Variants in GRIA4 observed in about 807,000 individuals in gnomAD.
GRIA4 encodes the protein glutamate receptor 4.
Under a neutral mutation model 104.0 loss-of-function variants are expected in GRIA4, and 34 were observed. The ratio of observed to expected loss-of-function variants is 0.33; its 90% CI spans 0.25 to 0.44. The LOEUF (loss-of-function observed/expected upper bound fraction) is 0.44. Ranked by LOEUF, GRIA4 falls within the 20% of genes least tolerant of loss-of-function variation. The probability of loss-of-function intolerance (pLI) is 1.00; values close to 1 mark genes in which losing one functional copy is unlikely to be tolerated. For synonymous variants in GRIA4, 386 were observed against 381.9 expected (o/e 1.01, Z -0.13); for missense variants, 750 against 1,096.5 (o/e 0.68, Z 4.46).
chr11:105,914,635 AG>A (rs1322974543), intron 10 of GRIA4, among the ~76,000 whole-genome samples: 1 of 152,214 alleles, frequency 6.6e-6, no homozygotes, highest in African/African-American at 2.4e-5. Flanking sequence ...GAGCAGATGT[AG>A]AACCCCATTC....
intron 4 of GRIA4, among the ~76,000 whole-genome samples, chr11:105,847,371 C>G (rs553560890): frequency 2.6e-5 from 4 of 152,156 alleles, no homozygotes; most frequent in African/African-American, 9.6e-5. Context: ...GGCCAGGGAC[C>G]GGTAGGGGTC....
chr11:105,954,558 A>G (rs1231895970), intron 14 of GRIA4, among the ~76,000 whole-genome samples: 1 of 152,114 alleles, frequency 6.6e-6, no homozygotes, highest in Non-Finnish European at 1.5e-5. Flanking sequence ...ATGTATATGT[A>G]TACTTATATA....
At chr11:105,719,578 G>A (rs1176638726) in intron 3 of GRIA4, among the ~76,000 whole-genome samples, 1 of 152,126 alleles carries the variant, frequency 6.6e-6, no homozygotes, top group South Asian at 2.1e-4. Flanking sequence ...ACTCAAAGCA[G>A]AGCTTGGTTT....
chr11:105,902,583 C>T (rs543823002), intron 7 of GRIA4, among the ~76,000 whole-genome samples: 18 of 152,266 alleles, frequency 1.2e-4, no homozygotes, highest in African/African-American at 4.3e-4. Context: ...GATCCACCCA[C>T]CTCAACTTCC....
chr11:105,931,034 A>C (rs1947858760), intron 13 of GRIA4, among the ~76,000 whole-genome samples: 1 of 152,116 alleles, frequency 6.6e-6, no homozygotes, highest in South Asian at 2.1e-4. Flanking sequence ...TATCAAGTGA[A>C]TCAGAGAGGC....
At position 105,688,116 on chromosome 11, in the gene GRIA4, A is replaced by C. The variant is rs112200457; in HGVS notation, c.248-64865A>C. On this transcript the variant is annotated intron_variant, in intron 3 of 16. Transcript: ENST00000282499. ...CTCTCTCTGTCTCATATCTATATCT[A>C]TATCTATATCTATATCTATATCTAT... Among the ~76,000 whole-genome samples, 600 of 68,596 alleles carry C rather than the reference A, an allele frequency of 8.7e-3. 5 individuals carry two copies. Among genetic ancestry groups the C allele is most frequent in the African/African-American group, 0.025 (566 of 22,720 alleles). 45.0% of individuals were successfully genotyped at this position (68,596 alleles called of 152,430 possible).
chr11:105,850,843 G>A (rs892210099), intron 4 of GRIA4, among the ~76,000 whole-genome samples: 14 of 152,120 alleles, frequency 9.2e-5, no homozygotes, highest in South Asian at 2.1e-4. Flanking sequence ...GCAGTGCTTC[G>A]TGGTCAGGGA....
intron 4 of GRIA4, among the ~76,000 whole-genome samples, chr11:105,846,049 G>C (rs952375381): frequency 7.9e-5 from 12 of 152,216 alleles, no homozygotes; most frequent in South Asian, 4.1e-4. Context: ...GTTTTTATTT[G>C]TCAAAGCAAA....
chr11:105,700,441 C>T (rs17104446), intron 3 of GRIA4, among the ~76,000 whole-genome samples: 18,829 of 152,140 alleles, frequency 0.12, 1,382 homozygotes, highest in South Asian at 0.19. Context: ...TCCCATGTGG[C>T]CCAATTATTT....
chr11:105,633,529 G>A (rs1951093068), intron 3 of GRIA4, among the ~76,000 whole-genome samples: 1 of 152,120 alleles, frequency 6.6e-6, no homozygotes, highest in South Asian at 2.1e-4. Context: ...TATTATTCAA[G>A]CTGTGAATCT....
rs1345748561 is a variant in GRIA4 at position 105,926,757 on chromosome 11, A to G, written c.1864A>G (p.Ile622Val). 1 of 1,604,746 alleles carries G rather than the reference A, an allele frequency of 6.2e-7. No homozygotes were observed. The highest frequency in any genetic ancestry group is 8.5e-7 in the Non-Finnish European group (1 of 1,171,824). Residue 622 changes from isoleucine (I) to valine (V), a missense_variant, in exon 13 of 17, where the codon ATT (isoleucine) becomes GTT (valine). This residue lies in a region of GRIA4 where 272 missense variants were observed against 524.5 expected (regional missense o/e 0.52). Coordinates refer to ENST00000282499, the MANE Select transcript of GRIA4 (RefSeq NM_000829.4). ...DISPRSLSGR[I>V]VGGVWWFFTL... is the part of the protein sequence containing the mutation. ...CATGTTTAGATCCCTCTCAGGTCGA[A>G]TTGTTGGAGGTGTTTGGTGGTTCTT... is the stretch of plus-strand genomic sequence containing the variant.
chr11:105,914,705 T>A (rs1385913412), intron 10 of GRIA4, among the ~76,000 whole-genome samples: 1 of 152,172 alleles, frequency 6.6e-6, no homozygotes, highest in African/African-American at 2.4e-5. Flanking sequence ...ACATTTTAAA[T>A]AACTTTTAAG....
At chr11:105,739,251 G>A (rs1337060690) in intron 3 of GRIA4, among the ~76,000 whole-genome samples, 1 of 152,156 alleles carries the variant, frequency 6.6e-6, no homozygotes, top group Non-Finnish European at 1.5e-5. Flanking sequence ...ATGATGGCCT[G>A]ACTCCGGAAA....
chr11:105,631,873 TA>T (rs1951043697), intron 3 of GRIA4, among the ~76,000 whole-genome samples: 1 of 152,102 alleles, frequency 6.6e-6, no homozygotes, highest in Non-Finnish European at 1.5e-5. Context: ...TAAGACTTAA[TA>T]AAGTGGAGTT....
At chr11:105,893,403 T>C (rs1329739794) in intron 6 of GRIA4, among the ~76,000 whole-genome samples, 2 of 152,118 alleles carry the variant, frequency 1.3e-5, no homozygotes, top group Non-Finnish European at 2.9e-5. Context: ...AGAAAATATA[T>C]GAAAGAAATA....
intron 3 of GRIA4, among the ~76,000 whole-genome samples, chr11:105,711,688 A>T (rs1953917390): frequency 6.6e-6 from 1 of 152,118 alleles, no homozygotes; most frequent in Non-Finnish European, 1.5e-5. Flanking sequence ...AGTGGAGAGG[A>T]GTTATTTCAG....
chr11:105,695,478 CTGTGTGTGTG>C (rs368292284), intron 3 of GRIA4, among the ~76,000 whole-genome samples: 1 of 135,154 alleles, frequency 7.4e-6, no homozygotes, highest in African/African-American at 2.8e-5. Flanking sequence ...GTGTGTGTGT[CTGTGTGTGTG>C]TGTGTGTGTG....
At chr11:105,907,383 G>T (rs1947078186) in intron 9 of GRIA4, among the ~76,000 whole-genome samples, 1 of 152,176 alleles carries the variant, frequency 6.6e-6, no homozygotes, top group Non-Finnish European at 1.5e-5. Context: ...ACTTAAAAAT[G>T]AGCTACCATG....
Position 105,933,632 on chromosome 11 carries a change from C to G in GRIA4, c.2047-90C>G, listed in dbSNP as rs189848390. 329 of 949,518 alleles carry G rather than the reference C, an allele frequency of 3.5e-4. 1 individual carries two copies. In the African/African-American group the frequency reaches 4.9e-3, roughly 14 times the overall value. 58.8% of individuals were successfully genotyped at this position (949,518 alleles called of 1,614,324 possible). A position where few individuals can be genotyped will look rare whatever the true frequency, so the allele number is the denominator to read the frequency against. On this transcript the variant is annotated intron_variant, in intron 13 of 16. Coordinates refer to ENST00000282499, the MANE Select transcript of GRIA4 (RefSeq NM_000829.4). The stretch of plus-strand genomic sequence containing the variant: ...GGAGTTAGAGAGCAATGGAAAGATA[C>G]TAAAACGCTTTATTCTTATCTTGGT...
Sources: allele counts gnomAD v4.1 joint callset (sites outside exome capture counted in the v4.1 genomes callset), GRCh38; gene constraint gnomAD v4.1.1; regional missense constraint gnomAD v4.1.1; transcripts MANE v1.5; gene names NCBI Gene and HGNC (gene_info 2026-07-23, HGNC 2026-07-21).